FTCDNL1: variants seen among roughly 807,000 people sequenced by gnomAD.
The protein encoded by FTCDNL1 is formiminotransferase cyclodeaminase N-terminal like.
A neutral mutation model predicts 5.9 loss-of-function variants in FTCDNL1; 11 were observed. The observed-to-expected ratio is 1.87, with a 90% CI of 1.18 to 3.10. The LOEUF (loss-of-function observed/expected upper bound fraction) is 3.10, where lower values mean the gene tolerates loss of function less well. Among genes scored for constraint, FTCDNL1 ranks in the 30% most tolerant of loss-of-function variants. FTCDNL1 has a pLI of 0.00. For synonymous variants in FTCDNL1, 58 were observed against 24.8 expected, an observed-to-expected ratio of 2.34 and a Z score of -3.99; for missense variants, 115 against 65.5, an observed-to-expected ratio of 1.76 and a Z score of -2.61.
the FTCDNL1 span, among the ~76,000 whole-genome samples, chr2:199,751,917 G>C: frequency 6.6e-6 from 1 of 151,956 alleles, no homozygotes; most frequent in Non-Finnish European, 1.5e-5. Flanking sequence ...TGGGGGGCCA[G>C]TTAGGACATT....
At chr2:199,828,663 T>C (rs1187752076) in intron 3 of FTCDNL1, among the ~76,000 whole-genome samples, 1 of 152,230 alleles carries the variant, frequency 6.6e-6, no homozygotes, top group Non-Finnish European at 1.5e-5. Flanking sequence ...TTATTGATAG[T>C]ATCAAATCTA....
intron 3 of FTCDNL1, among the ~76,000 whole-genome samples, chr2:199,837,093 G>A (rs1321339515): frequency 6.6e-6 from 1 of 152,140 alleles, no homozygotes; most frequent in Non-Finnish European, 1.5e-5. Flanking sequence ...CTCCCATTTG[G>A]CCTTTCCTTC....
intron 3 of FTCDNL1, among the ~76,000 whole-genome samples, chr2:199,822,708 T>C (rs1467561823): frequency 6.6e-6 from 1 of 152,220 alleles, no homozygotes; most frequent in African/African-American, 2.4e-5. Context: ...GCTTTATCAA[T>C]TCAGTTTATG....
chr2:199,823,600 C>T (rs1701830935), intron 3 of FTCDNL1, among the ~76,000 whole-genome samples: 3 of 152,186 alleles, frequency 2.0e-5, no homozygotes, highest in Non-Finnish European at 4.4e-5. Context: ...TGGCAAGGTG[C>T]ATTGTCAATG....
At chr2:199,797,426 A>G (rs997297819) in intron 3 of FTCDNL1, among the ~76,000 whole-genome samples, 2 of 152,220 alleles carry the variant, frequency 1.3e-5, no homozygotes, top group African/African-American at 4.8e-5. Context: ...CACACCCAAA[A>G]TGCTATTTTA....
chr2:199,748,489 C>A, the FTCDNL1 span, among the ~76,000 whole-genome samples: 1 of 152,146 alleles, frequency 6.6e-6, no homozygotes, highest in Admixed American at 6.5e-5. Flanking sequence ...ATGAAGCCAC[C>A]TCTTTCCTTA....
intron 3 of FTCDNL1, among the ~76,000 whole-genome samples, chr2:199,842,361 C>G (rs901432804): frequency 1.3e-5 from 2 of 152,108 alleles, no homozygotes; most frequent in Non-Finnish European, 2.9e-5. Flanking sequence ...TTTCCCATTC[C>G]ACACCTCTAA....
downstream of FTCDNL1, among the ~76,000 whole-genome samples, chr2:199,809,199 TA>T (rs936741877): frequency 2.0e-5 from 3 of 149,902 alleles, no homozygotes; most frequent in South Asian, 6.3e-4. Flanking sequence ...CAAATGTAAG[TA>T]AAAAAAATTA....
intron 3 of FTCDNL1, among the ~76,000 whole-genome samples, chr2:199,790,356 G>C (rs967353697): frequency 6.6e-6 from 1 of 151,990 alleles, no homozygotes; most frequent in South Asian, 2.1e-4. Flanking sequence ...AAATTAGCTG[G>C]GCATAGTGAT....
chr2:199,775,419 T>G (rs1286587091), intron 3 of FTCDNL1, among the ~76,000 whole-genome samples: 1 of 152,208 alleles, frequency 6.6e-6, no homozygotes, highest in Non-Finnish European at 1.5e-5. Context: ...CTTTGTTTCC[T>G]TACACTGACC....
chr2:199,827,553 T>G (rs767483935), intron 3 of FTCDNL1, among the ~76,000 whole-genome samples: 3 of 152,126 alleles, frequency 2.0e-5, no homozygotes, highest in Non-Finnish European at 2.9e-5. Context: ...CTTAGAGATG[T>G]ATATTAATTA....
chr2:199,706,007 T>C, the FTCDNL1 span, among the ~76,000 whole-genome samples: 1 of 152,196 alleles, frequency 6.6e-6, no homozygotes, highest in Non-Finnish European at 1.5e-5. Flanking sequence ...TTGCTAACCA[T>C]GTCTATTCAC....
At chr2:199,728,280 C>T in the FTCDNL1 span, among the ~76,000 whole-genome samples, 2 of 150,968 alleles carry the variant, frequency 1.3e-5, no homozygotes, top group Non-Finnish European at 2.9e-5. Flanking sequence ...CGGGGTCTTG[C>T]TCTGTCGCCC....
downstream of FTCDNL1, among the ~76,000 whole-genome samples, chr2:199,755,845 C>A (rs183279681): frequency 1.1e-4 from 17 of 152,258 alleles, no homozygotes; most frequent in Admixed American, 2.6e-4. Context: ...AGATGTAAAG[C>A]ATTTGAACAG....
the FTCDNL1 span, among the ~76,000 whole-genome samples, chr2:199,736,149 C>T: frequency 6.6e-6 from 1 of 152,172 alleles, no homozygotes; most frequent in Admixed American, 6.5e-5. Context: ...ATAAGCAAAG[C>T]TCTCCAAGCT....
At chr2:199,798,362 A>G (rs1216914489) in intron 3 of FTCDNL1, among the ~76,000 whole-genome samples, 1 of 152,210 alleles carries the variant, frequency 6.6e-6, no homozygotes, top group African/African-American at 2.4e-5. Flanking sequence ...GTCTAGTGAG[A>G]AAAACACCCT....
chr2:199,703,182 T>G, the FTCDNL1 span, among the ~76,000 whole-genome samples: 115 of 152,078 alleles, frequency 7.6e-4, no homozygotes, highest in East Asian at 2.7e-3. Context: ...ATTAGGTATA[T>G]CTCCTAATGC....
chr2:199,805,505 G>A (rs761310993), downstream of FTCDNL1, among the ~76,000 whole-genome samples: 8 of 152,074 alleles, frequency 5.3e-5, no homozygotes, highest in Non-Finnish European at 8.8e-5. Flanking sequence ...TTGGGAGGCC[G>A]GGGCAGGCGG....
At chr2:199,738,254 C>G in the FTCDNL1 span, among the ~76,000 whole-genome samples, 126,985 of 152,208 alleles carry the variant, frequency 0.83, 54,388 homozygotes, top group East Asian at 1. Flanking sequence ...CGTGGTCTCT[C>G]TATTGTTTTT....
Sources: allele counts gnomAD v4.1 joint callset (sites outside exome capture counted in the v4.1 genomes callset), GRCh38; gene constraint gnomAD v4.1.1; transcripts MANE v1.5; gene names NCBI Gene and HGNC (gene_info 2026-07-23, HGNC 2026-07-21).